ARMC2: variants seen among roughly 807,000 people sequenced by gnomAD.
ARMC2 encodes the protein armadillo repeat-containing protein 2.
ARMC2 carries 67 observed loss-of-function variants against 90.3 expected under a neutral mutation model. The observed-to-expected ratio is 0.74, with a 90% CI of 0.61 to 0.91. ARMC2 has a LOEUF of 0.91. Among genes scored for constraint, ARMC2 ranks in the 40% least tolerant of loss-of-function variants. The pLI is 0.00. For missense variants in ARMC2, 920 were observed against 1,030.9 expected (o/e 0.89, Z 1.47); for synonymous variants, 393 against 393.0 (o/e 1.00, Z 0.00).
intron 4 of ARMC2, among the ~76,000 whole-genome samples, chr6:108,871,928 A>G (rs1375422585): frequency 1.3e-5 from 2 of 152,216 alleles, no homozygotes; most frequent in Non-Finnish European, 2.9e-5. Context: ...AGCATTCAGG[A>G]AATACTGGCA....
the ARMC2 span, among the ~76,000 whole-genome samples, chr6:108,993,515 C>CTTT: frequency 6.6e-6 from 1 of 152,154 alleles, no homozygotes; most frequent in African/African-American, 2.4e-5. Context: ...ATCCAACCTC[C>CTTT]ATTTAAACAA....
chr6:108,914,698 G>C (rs1773775249), intron 10 of ARMC2, among the ~76,000 whole-genome samples: 1 of 152,192 alleles, frequency 6.6e-6, no homozygotes, highest in Admixed American at 6.5e-5. Flanking sequence ...GTCATTTGCA[G>C]AATCCCCTGA....
the ARMC2 span, among the ~76,000 whole-genome samples, chr6:109,015,019 G>T: frequency 6.6e-6 from 1 of 152,124 alleles, no homozygotes; most frequent in Non-Finnish European, 1.5e-5. Context: ...CCTGCACACA[G>T]GAGACCCTCA....
intron 5 of ARMC2, among the ~76,000 whole-genome samples, chr6:108,889,348 A>T (rs1388065324): frequency 1.3e-5 from 2 of 151,124 alleles, no homozygotes; most frequent in African/African-American, 4.9e-5. Context: ...GTTTCACCAT[A>T]TTGGCCAGAC....
chr6:108,865,246 G>A (rs748228851), intron 3 of ARMC2, among the ~76,000 whole-genome samples: 2 of 152,264 alleles, frequency 1.3e-5, no homozygotes, highest in East Asian at 3.9e-4. Flanking sequence ...GCCTCCCAAA[G>A]TGCTGGGATT....
At chr6:109,031,630 T>C in the ARMC2 span, among the ~76,000 whole-genome samples, 1 of 152,198 alleles carries the variant, frequency 6.6e-6, no homozygotes. Context: ...GCAGCACTTA[T>C]CTCTAAGCAC....
At chr6:109,050,703 A>G in the ARMC2 span, among the ~76,000 whole-genome samples, 27 of 152,318 alleles carry the variant, frequency 1.8e-4, no homozygotes, top group East Asian at 5.2e-3. Context: ...TAAAGGCAAA[A>G]GCTGATTTCC....
rs560423721 is a variant in ARMC2 at position 108,887,653 on chromosome 6, T to G, written c.672-6814T>G. 5.9e-5 allele frequency among the ~76,000 whole-genome samples: 9 copies of G among 152,296 alleles called. No homozygotes were observed. The East Asian group carries it at 9.6e-4, about 16-fold the overall frequency. ...ATTTATTGTTTAAATCCATTGAAATTAGGTTTTTGTTATTTGTCGATCAAG... is the reference window on the plus strand; with the variant it reads ...ATTTATTGTTTAAATCCATTGAAATGAGGTTTTTGTTATTTGTCGATCAAG... On this transcript the variant is annotated intron_variant, in intron 5 of 17. Transcript: ENST00000392644.
In ARMC2 at chr6:108,919,295, A is replaced by C. The variant is rs552145063; in HGVS notation, c.1350+6737A>C. On this transcript the variant is annotated intron_variant, in intron 10 of 17. Transcript: ENST00000392644. ...TTAATGCATTTGTATTTAGGTGTTT[A>C]GATAATTATAAGTATGTGTACTTAT... Among the ~76,000 whole-genome samples, 24 of 152,352 alleles carry C rather than the reference A, an allele frequency of 1.6e-4. 1 individual carries two copies. Among genetic ancestry groups the C allele is most frequent in the African/African-American group, 5.5e-4 (23 of 41,564 alleles).
chr6:108,909,147 A>G (rs1478294103), intron 8 of ARMC2, among the ~76,000 whole-genome samples: 1 of 152,220 alleles, frequency 6.6e-6, no homozygotes, highest in South Asian at 2.1e-4. Flanking sequence ...TCCTTTTCAA[A>G]CAGAAATAAT....
At chr6:108,862,454 T>C (rs1304329896) in intron 3 of ARMC2, among the ~76,000 whole-genome samples, 4 of 151,838 alleles carry the variant, frequency 2.6e-5, no homozygotes, top group African/African-American at 7.3e-5. Context: ...TTGTGGTCGT[T>C]GATGTTATTG....
intron 11 of ARMC2, among the ~76,000 whole-genome samples, chr6:108,931,421 T>C (rs1188810827): frequency 6.6e-6 from 1 of 151,938 alleles, no homozygotes; most frequent in African/African-American, 2.4e-5. Context: ...TGATTTATTT[T>C]CCTCTGGGTA....
At chr6:108,989,914 A>T in the ARMC2 span, among the ~76,000 whole-genome samples, 13 of 152,184 alleles carry the variant, frequency 8.5e-5, no homozygotes, top group Admixed American at 8.5e-4. Context: ...ACCATTGAGG[A>T]GGCTAAAGTC....
At position 108,876,263 on chromosome 6, in the gene ARMC2, T is replaced by G. The variant is rs773985819; in HGVS notation, c.584T>G (p.Leu195Arg). The change falls in exon 5 of 18, where the codon CTA (leucine) becomes CGA (arginine). Residue 195 changes from leucine (L) to arginine (R), a missense_variant. Coordinates refer to ENST00000392644, the MANE Select transcript of ARMC2 (RefSeq NM_032131.6). ...ICHLKSHPLQLTDDGGFSEIK... is the reference protein window; with the variant it reads ...ICHLKSHPLQRTDDGGFSEIK... ...CACTTAAAGAGTCACCCACTTCAGC[T>G]AACTGATGATGGAGGCTTCAGTGAA... 3 of 1,612,906 alleles carry G rather than the reference T, an allele frequency of 1.9e-6. No homozygotes were observed. Among genetic ancestry groups the G allele is most frequent in the Non-Finnish European group, 2.5e-6 (3 of 1,179,636 alleles).
chr6:108,908,288 G>A (rs1345467079), intron 8 of ARMC2, among the ~76,000 whole-genome samples: 1 of 152,214 alleles, frequency 6.6e-6, no homozygotes, highest in African/African-American at 2.4e-5. Context: ...GCCTAGTGCA[G>A]GAGGGTATGC....
At chr6:109,030,046 G>A in the ARMC2 span, among the ~76,000 whole-genome samples, 1 of 152,118 alleles carries the variant, frequency 6.6e-6, no homozygotes, top group Non-Finnish European at 1.5e-5. Context: ...ATAAGTGGCA[G>A]GTAAAAATAA....
chr6:108,928,645 G>C lies in ARMC2; in HGVS notation c.1496+412G>C, dbSNP rs78778127. Among the ~76,000 whole-genome samples, 615 of 152,208 alleles carry C rather than the reference G, an allele frequency of 4.0e-3. 2 individuals carry two copies. Among genetic ancestry groups the C allele is most frequent in the African/African-American group, 0.014 (576 of 41,518 alleles). On this transcript the variant is annotated intron_variant, in intron 11 of 17. Coordinates refer to ENST00000392644, the MANE Select transcript of ARMC2 (RefSeq NM_032131.6). Reference sequence around the variant, plus strand: ...AGTCTGATGTGACTTTGTAATAGAAGGTTATTCTATTTCAGCTATTTGAAC... The same window carrying C: ...AGTCTGATGTGACTTTGTAATAGAACGTTATTCTATTTCAGCTATTTGAAC...
At chr6:108,976,900 G>A (rs1360675015), downstream of ARMC2, among the ~76,000 whole-genome samples, 4 of 152,150 alleles carry the variant, frequency 2.6e-5, no homozygotes, top group South Asian at 4.1e-4. Context: ...AGAAGATTTT[G>A]GGCTGAGACG....
chr6:108,932,978 G>A (rs768911846), intron 11 of ARMC2, among the ~76,000 whole-genome samples: 1 of 152,076 alleles, frequency 6.6e-6, no homozygotes, highest in Non-Finnish European at 1.5e-5. Flanking sequence ...CTGTAGTAAA[G>A]TTTGAATTAG....
Sources: allele counts gnomAD v4.1 joint callset (sites outside exome capture counted in the v4.1 genomes callset), GRCh38; gene constraint gnomAD v4.1.1; transcripts MANE v1.5; gene names NCBI Gene and HGNC (gene_info 2026-07-23, HGNC 2026-07-21).